The following DSC2 variants were observed in gnomAD, a reference collection of about 807,000 sequenced individuals.
DSC2 encodes the protein desmocollin-2.
A neutral mutation model predicts 87.6 loss-of-function variants in DSC2; 51 were observed. The ratio of observed to expected loss-of-function variants is 0.58; its 90% CI spans 0.46 to 0.74. DSC2 has a LOEUF of 0.74. DSC2 is among the 30% of genes least tolerant of loss of function. The probability of loss-of-function intolerance (pLI) is 0.00; values close to 1 mark genes in which losing one functional copy is unlikely to be tolerated. For missense variants in DSC2, 1,066 were observed against 1,089.5 expected (o/e 0.98, Z 0.30); for synonymous variants, 383 against 393.2 (o/e 0.97, Z 0.31).
rs1987992214 is a variant in DSC2 at position 31,102,207 on chromosome 18, G to T, written c.-236C>A. ...GCTCCAGACGCGTCCAAAAGACACC[G>T]ATCGGCCCCTCCTTGTTGTCTATTT... On this transcript the variant is annotated 5_prime_UTR_variant, in exon 1 of 16. Coordinates refer to ENST00000280904, the MANE Select transcript of DSC2 (RefSeq NM_024422.6). 2 of 441,868 alleles carry T rather than the reference G, an allele frequency of 4.5e-6. No homozygotes were observed. Among genetic ancestry groups the T allele is most frequent in the Non-Finnish European group, 3.9e-6 (1 of 254,244 alleles). The allele number at this position is 441,868 out of a possible 1,614,324, so 27.4% of individuals were successfully genotyped here. A position where few individuals can be genotyped will look rare whatever the true frequency, so the allele number is the denominator to read the frequency against.
chr18:31,100,003 T>C (rs1197799067), intron 1 of DSC2, among the ~76,000 whole-genome samples: 1 of 152,160 alleles, frequency 6.6e-6, no homozygotes, highest in Non-Finnish European at 1.5e-5. Context: ...CTCCAGTGAC[T>C]TGGACCACAG....
At chr18:31,080,047 G>A (rs766165699) in intron 10 of DSC2, 49 bp downstream of exon 10, 47 of 1,610,206 alleles carry the variant, frequency 2.9e-5, no homozygotes, top group Admixed American at 1.7e-4. Flanking sequence ...TTATAATAAC[G>A]TAACAAAATA....
At chr18:31,073,450 T>A (rs1429281081) in intron 12 of DSC2, among the ~76,000 whole-genome samples, 1 of 151,658 alleles carries the variant, frequency 6.6e-6, no homozygotes, top group Non-Finnish European at 1.5e-5. Context: ...ATCTTGTTAG[T>A]TCACAGAGCA....
At chr18:31,080,664 T>A (rs1442665727) in intron 9 of DSC2, among the ~76,000 whole-genome samples, 2 of 152,176 alleles carry the variant, frequency 1.3e-5, no homozygotes, top group Non-Finnish European at 2.9e-5. Flanking sequence ...GTGTAGCACA[T>A]CCCCCTTTGC....
At chr18:31,101,570 G>C in intron 1 of DSC2, 1 of 294,150 alleles carries the variant, frequency 3.4e-6, no homozygotes, top group Non-Finnish European at 6.1e-6. Context: ...TCCGACCCCG[G>C]CGCACTCCCG....
chr18:31,101,760 CGCCAACTCCATTTTCTAGCCACCCAGAGG>C, intron 1 of DSC2, 114 bp downstream of exon 1: 1 of 673,132 alleles, frequency 1.5e-6, no homozygotes, highest in Non-Finnish European at 2.3e-6. Context: ...CCCCCACCCC[CGCCAACTCCATTTTCTAGCCACCCAGAGG>C]CCCCTTCACC....
At chr18:31,101,771 T>G in intron 1 of DSC2, 132 bp downstream of exon 1, 22 of 328,272 alleles carry the variant, frequency 6.7e-5, no homozygotes, top group Non-Finnish European at 7.3e-5. Flanking sequence ...GCCAACTCCA[T>G]TTTCTAGCCA....
chr18:31,087,600 C>G, intron 6 of DSC2, 69 bp downstream of exon 6: 1 of 1,535,580 alleles, frequency 6.5e-7, no homozygotes, highest in Non-Finnish European at 8.9e-7. Context: ...TCTCAACGGA[C>G]ATAGTGAAAC....
rs1214149293 is a variant in DSC2, at chr18:31,070,845, G to A, written c.2131C>T (p.Leu711=). 1 of 1,613,664 alleles carries A rather than the reference G, an allele frequency of 6.2e-7. No individual in the cohort carries two copies. The highest frequency in any genetic ancestry group is 8.5e-7 in the Non-Finnish European group (1 of 1,179,736). The change falls in exon 14 of 16, where the codon CTG becomes TTG. Residue 711 remains leucine, a synonymous_variant. Coordinates refer to ENST00000280904, the MANE Select transcript of DSC2 (RefSeq NM_024422.6). ...GAAGCCCCACAGACCAGCGTAAACAGGATGCCTGGAGGAAGAAAGAAATAT... is the reference window on the plus strand; with the variant it reads ...GAAGCCCCACAGACCAGCGTAAACAAGATGCCTGGAGGAAGAAAGAAATAT... The part of the protein sequence containing the change: ...LLGIALLFCI[L]FTLVCGASGT...
intron 12 of DSC2, 43 bp from the exon 13 acceptor site, chr18:31,071,884 C>T (rs773026094): frequency 1.3e-6 from 2 of 1,488,388 alleles, no homozygotes; most frequent in South Asian, 2.3e-5. Flanking sequence ...TACAATGTCA[C>T]TGATTTCTTC....
intron 1 of DSC2, among the ~76,000 whole-genome samples, chr18:31,098,954 G>A (rs1193535099): frequency 1.3e-5 from 2 of 152,184 alleles, no homozygotes; most frequent in Non-Finnish European, 2.9e-5. Context: ...TAAGGAAGGG[G>A]AGCAGTGAGA....
chr18:31,067,789 C>A lies in DSC2; in HGVS notation c.*226G>T. On this transcript the variant is annotated 3_prime_UTR_variant, in exon 16 of 16. Coordinates refer to ENST00000280904, the MANE Select transcript of DSC2 (RefSeq NM_024422.6). ...GGCAGACTTTAATTTCTCTGTAGAC[C>A]TCCTTGGATAGAAGATAAGTAATTT... The A allele has an allele frequency of 6.1e-6, 3 of 494,560 alleles. No individual in the cohort carries two copies. The highest frequency in any genetic ancestry group is 2.4e-5 in the South Asian group (1 of 42,366). 30.6% of individuals were successfully genotyped at this position (494,560 alleles called of 1,614,324 possible).
intron 12 of DSC2, among the ~76,000 whole-genome samples, chr18:31,073,857 TA>T (rs1431559463): frequency 6.6e-6 from 1 of 152,190 alleles, no homozygotes; most frequent in Non-Finnish European, 1.5e-5. Context: ...GGAACCGAGT[TA>T]GGGGAGAATC....
Position 31,074,909 on chromosome 18 carries a change from T to C in DSC2, c.1664-2A>G. 6.2e-7 allele frequency: 1 copy of C among 1,611,604 alleles called. No homozygotes were observed. Among genetic ancestry groups the C allele is most frequent in the Non-Finnish European group, 8.5e-7 (1 of 1,178,724 alleles). On this transcript the variant is annotated splice_acceptor_variant, in intron 11 of 15. Coordinates refer to ENST00000280904, the MANE Select transcript of DSC2 (RefSeq NM_024422.6). LOFTEE classifies it high-confidence loss of function. ...GTGTCCCCGTACATGTTCTCCCTCC[T>C]AGAAAAATGAAAATAAAAATAGTTT...
intron 11 of DSC2, among the ~76,000 whole-genome samples, chr18:31,078,943 T>C (rs1987110669): frequency 6.6e-6 from 1 of 152,164 alleles, no homozygotes; most frequent in Admixed American, 6.5e-5. Context: ...GAACATAATT[T>C]TACATTTTAT....
intron 1 of DSC2, among the ~76,000 whole-genome samples, chr18:31,098,369 C>T (rs565013540): frequency 6.6e-6 from 1 of 152,186 alleles, no homozygotes; most frequent in East Asian, 1.9e-4. Flanking sequence ...ATATATATAT[C>T]CTCGATCATG....
intron 11 of DSC2, among the ~76,000 whole-genome samples, chr18:31,078,782 T>C (rs1987104206): frequency 1.3e-5 from 2 of 152,290 alleles, no homozygotes; most frequent in Non-Finnish European, 1.5e-5. Flanking sequence ...TTGCAAGTTA[T>C]AGTATAATAA....
In DSC2 at chr18:31,059,049, T is replaced by G. The variant is rs1892115294; in HGVS notation, c.*8966A>C. On this transcript the variant is annotated 3_prime_UTR_variant, in exon 16 of 16. Coordinates refer to ENST00000280904, the MANE Select transcript of DSC2 (RefSeq NM_024422.6). ...AGGGAGGTTCAGGTTACACAGATGG[T>G]TTGTGGTAGAGCCCAGATCTGAACC... The G allele has an allele frequency of 6.6e-6, 1 of 152,088 alleles. No individual in the cohort carries two copies. The highest frequency in any genetic ancestry group is 1.9e-4 in the East Asian group (1 of 5,180). 9.4% of individuals were successfully genotyped at this position (152,088 alleles called of 1,614,324 possible).
At position 31,080,183 on chromosome 18, in the gene DSC2, A is replaced by T; in HGVS notation, c.1433T>A (p.Val478Asp). 1 of 1,614,074 alleles carries T rather than the reference A, an allele frequency of 6.2e-7. No homozygotes were observed. Among genetic ancestry groups the T allele is most frequent in the Non-Finnish European group, 8.5e-7 (1 of 1,179,998 alleles). ...CACTTCTGCATTTTCTTTCATGCGA[A>T]CAGTCTGTATTGGAGGGTTACACTC... Reference protein sequence around the residue: ...GPECNPPIQTVRMKENAEVGT... With the variant: ...GPECNPPIQTDRMKENAEVGT... The change falls in exon 10 of 16, where the codon GTT becomes GAT. Residue 478 changes from valine to aspartate, a missense_variant. Val to Asp is a radical substitution (Grantham distance 152). Coordinates refer to ENST00000280904, the MANE Select transcript of DSC2 (RefSeq NM_024422.6).
Sources: allele counts gnomAD v4.1 joint callset (sites outside exome capture counted in the v4.1 genomes callset), GRCh38; gene constraint gnomAD v4.1.1; transcripts MANE v1.5; gene names NCBI Gene and HGNC (gene_info 2026-07-23, HGNC 2026-07-21).